The following ALK variants were observed in gnomAD, a reference collection of about 807,000 sequenced individuals.
ALK encodes ALK tyrosine kinase receptor.
In ALK, 74 loss-of-function variants were observed where a neutral mutation model predicts 163.1. The ratio of observed to expected loss-of-function variants is 0.45; its 90% CI spans 0.38 to 0.55. The LOEUF (loss-of-function observed/expected upper bound fraction) is 0.55, where lower values mean the gene tolerates loss of function less well. Ranked by LOEUF, ALK falls within the 20% of genes least tolerant of loss-of-function variation. The probability of loss-of-function intolerance (pLI) is 0.00; values close to 1 mark genes in which losing one functional copy is unlikely to be tolerated. For synonymous variants in ALK, 960 were observed against 843.2 expected (o/e 1.14, Z -2.40); for missense variants, 2,063 against 2,105.3 (o/e 0.98, Z 0.39).
intron 4 of ALK, among the ~76,000 whole-genome samples, chr2:29,528,717 A>G (rs1441001547): frequency 2.6e-5 from 4 of 152,132 alleles, no homozygotes; most frequent in African/African-American, 9.7e-5. Flanking sequence ...TGTGCGAGCC[A>G]TTTTCCATAT....
At chr2:29,329,669 ACT>A (rs1017441295) in intron 5 of ALK, among the ~76,000 whole-genome samples, 3 of 152,178 alleles carry the variant, frequency 2.0e-5, no homozygotes, top group African/African-American at 7.2e-5. Context: ...TGCAAATCAA[ACT>A]CAACTGATTC....
At chr2:29,345,116 G>T (rs749736800) in intron 5 of ALK, among the ~76,000 whole-genome samples, 2 of 152,072 alleles carry the variant, frequency 1.3e-5, no homozygotes, top group African/African-American at 4.8e-5. Context: ...TACCCAGGCC[G>T]GGCGCAGTGG....
chr2:29,735,351 T>C (rs1446593217), intron 1 of ALK, among the ~76,000 whole-genome samples: 1 of 152,108 alleles, frequency 6.6e-6, no homozygotes, highest in Non-Finnish European at 1.5e-5. Flanking sequence ...GTTATAAAAG[T>C]GTTTGTGAAC....
intron 1 of ALK, among the ~76,000 whole-genome samples, chr2:29,728,890 C>G (rs1383291623): frequency 2.0e-5 from 3 of 152,204 alleles, no homozygotes; most frequent in Non-Finnish European, 4.4e-5. Flanking sequence ...GAATGAAACA[C>G]AGCAGAAGGA....
intron 1 of ALK, among the ~76,000 whole-genome samples, chr2:29,856,298 T>C (rs935230432): frequency 6.6e-6 from 1 of 152,172 alleles, no homozygotes; most frequent in African/African-American, 2.4e-5. Context: ...TTTAGAGTCA[T>C]TGTGAAGAAT....
intron 6 of ALK, among the ~76,000 whole-genome samples, chr2:29,324,865 G>A (rs1403373340): frequency 6.6e-6 from 1 of 152,192 alleles, no homozygotes; most frequent in Non-Finnish European, 1.5e-5. Flanking sequence ...GTTTGGAGGA[G>A]AGAGTACAGT....
chr2:29,635,911 A>T (rs979701735), intron 3 of ALK, among the ~76,000 whole-genome samples: 1 of 152,082 alleles, frequency 6.6e-6, no homozygotes, highest in East Asian at 1.9e-4. Context: ...GATTACAGGC[A>T]TGAGTCACTG....
chr2:29,797,982 T>A (rs1024053629), intron 1 of ALK, among the ~76,000 whole-genome samples: 8 of 152,152 alleles, frequency 5.3e-5, no homozygotes, highest in African/African-American at 1.9e-4. Flanking sequence ...AAGCTCCATA[T>A]CTTCCTGGTT....
chr2:29,468,975 G>A, intron 4 of ALK, among the ~76,000 whole-genome samples: 1 of 151,646 alleles, frequency 6.6e-6, no homozygotes. Flanking sequence ...TCAGACTTTG[G>A]CAATGACCTT....
intron 4 of ALK, among the ~76,000 whole-genome samples, chr2:29,484,262 C>T (rs778428260): frequency 2.0e-5 from 3 of 152,090 alleles, no homozygotes; most frequent in Non-Finnish European, 4.4e-5. Flanking sequence ...GTCTTCTTAA[C>T]ATGATTTCTG....
chr2:29,727,933 G>A (rs897270096), intron 1 of ALK, among the ~76,000 whole-genome samples: 16 of 152,182 alleles, frequency 1.1e-4, no homozygotes, highest in Admixed American at 2.0e-4. Context: ...CTGAAACACA[G>A]GAAGGAAAGA....
At chr2:29,618,095 G>A (rs1309458145) in intron 3 of ALK, among the ~76,000 whole-genome samples, 2 of 152,184 alleles carry the variant, frequency 1.3e-5, no homozygotes, top group Non-Finnish European at 1.5e-5. Flanking sequence ...GGTCAAGCCA[G>A]ACCTTTAGAA....
At chr2:29,653,597 T>A (rs1249972881) in intron 3 of ALK, among the ~76,000 whole-genome samples, 1 of 152,116 alleles carries the variant, frequency 6.6e-6, no homozygotes, top group Non-Finnish European at 1.5e-5. Context: ...AGATTAAATG[T>A]CCCAACATAT....
chr2:29,835,895 C>G (rs138980305), intron 1 of ALK, among the ~76,000 whole-genome samples: 2,401 of 152,302 alleles, frequency 0.016, 23 homozygotes, highest in Middle Eastern at 0.027. Flanking sequence ...CATTAAACCT[C>G]TTTTTCTTTA....
chr2:29,463,117 A>G (rs1671126449), intron 4 of ALK, among the ~76,000 whole-genome samples: 1 of 152,334 alleles, frequency 6.6e-6, no homozygotes. Context: ...ACATGCTAAC[A>G]ATAATAAACC....
At position 29,506,906 on chromosome 2, in the gene ALK, A is replaced by T. The variant is rs116758837; in HGVS notation, c.1154+25009T>A. Among the ~76,000 whole-genome samples, 375 of 152,304 alleles carry T rather than the reference A, an allele frequency of 2.5e-3. 1 individual carries two copies. Among genetic ancestry groups the T allele is most frequent in the African/African-American group, 8.6e-3 (358 of 41,552 alleles). ...TCAGTGAGGATGTAGAGACATTGGA[A>T]TCCTTGTGCACTGCTGGTAGGAATG... On this transcript the variant is annotated intron_variant, in intron 4 of 28. Transcript: ENST00000389048.
intron 1 of ALK, among the ~76,000 whole-genome samples, chr2:29,916,272 A>T (rs1477372478): frequency 6.6e-6 from 1 of 152,190 alleles, no homozygotes. Context: ...GTATGATCCA[A>T]TTACTTCCAT....
intron 3 of ALK, among the ~76,000 whole-genome samples, chr2:29,579,333 G>A (rs1674611977): frequency 6.6e-6 from 1 of 152,038 alleles, no homozygotes; most frequent in Non-Finnish European, 1.5e-5. Context: ...TGCACCAATA[G>A]CTGTCTTTCT....
At chr2:29,459,664 A>G (rs1671039657) in intron 4 of ALK, among the ~76,000 whole-genome samples, 1 of 152,104 alleles carries the variant, frequency 6.6e-6, no homozygotes, top group Non-Finnish European at 1.5e-5. Flanking sequence ...TCTTCCTGGA[A>G]CTTATAAATG....
Sources: allele counts gnomAD v4.1 joint callset (sites outside exome capture counted in the v4.1 genomes callset), GRCh38; gene constraint gnomAD v4.1.1; transcripts MANE v1.5; gene names NCBI Gene and HGNC (gene_info 2026-07-23, HGNC 2026-07-21).